Variants in ROBO2 observed in about 807,000 individuals in gnomAD.
The protein encoded by ROBO2 is roundabout homolog 2.
A neutral mutation model predicts 160.8 loss-of-function variants in ROBO2; 53 were observed. The observed-to-expected ratio is 0.33, with a 90% CI of 0.26 to 0.41. ROBO2 has a LOEUF of 0.41. Ranked by LOEUF, ROBO2 falls within the 10% of genes least tolerant of loss-of-function variation. The pLI is 1.00. For synonymous variants in ROBO2, 664 were observed against 611.7 expected (o/e 1.09, Z -1.26); for missense variants, 1,577 against 1,722.4 (o/e 0.92, Z 1.49).
intron 2 of ROBO2, among the ~76,000 whole-genome samples, chr3:76,237,305 G>C (rs145981710): frequency 6.6e-6 from 1 of 152,070 alleles, no homozygotes; most frequent in African/African-American, 2.4e-5. Flanking sequence ...CTATCAATAG[G>C]CCAAGCTATA....
At chr3:77,009,085 T>A (rs1272224523) in intron 2 of ROBO2, among the ~76,000 whole-genome samples, 1 of 152,196 alleles carries the variant, frequency 6.6e-6, no homozygotes, top group African/African-American at 2.4e-5. Context: ...TAAAAATAAA[T>A]TAATACTTAC....
chr3:77,094,036 C>T (rs2070710412), intron 1 of ROBO2, among the ~76,000 whole-genome samples: 1 of 152,062 alleles, frequency 6.6e-6, no homozygotes, highest in Non-Finnish European at 1.5e-5. Flanking sequence ...ATATAATAAT[C>T]TTTATTACAT....
intron 2 of ROBO2, among the ~76,000 whole-genome samples, chr3:76,599,709 C>G (rs2108925099): frequency 6.6e-6 from 1 of 152,258 alleles, no homozygotes; most frequent in South Asian, 2.1e-4. Flanking sequence ...TCTCCAGCAC[C>G]TGTTAGTTTT....
At chr3:77,208,233 C>T (rs958008921) in intron 2 of ROBO2, among the ~76,000 whole-genome samples, 4 of 152,046 alleles carry the variant, frequency 2.6e-5, no homozygotes, top group Non-Finnish European at 5.9e-5. Context: ...CTCAAAGCTC[C>T]CTAAGAATTT....
At chr3:76,817,672 A>G (rs1236881691) in intron 2 of ROBO2, among the ~76,000 whole-genome samples, 2 of 151,844 alleles carry the variant, frequency 1.3e-5, no homozygotes, top group African/African-American at 4.8e-5. Context: ...TGAGTCCCCA[A>G]AGTCCATTGT....
intron 2 of ROBO2, among the ~76,000 whole-genome samples, chr3:77,228,083 A>C (rs1245665430): frequency 1.3e-5 from 2 of 152,170 alleles, no homozygotes; most frequent in Non-Finnish European, 1.5e-5. Flanking sequence ...GCATACACTA[A>C]GATGCTTCTT....
intron 2 of ROBO2, among the ~76,000 whole-genome samples, chr3:76,406,324 A>G (rs529810650): frequency 4.6e-5 from 7 of 152,008 alleles, no homozygotes; most frequent in African/African-American, 1.2e-4. Flanking sequence ...TGTCACAGGA[A>G]TGCTCTCTAT....
At chr3:76,074,318 T>C (rs2068573047) in intron 2 of ROBO2, among the ~76,000 whole-genome samples, 1 of 152,212 alleles carries the variant, frequency 6.6e-6, no homozygotes, top group Non-Finnish European at 1.5e-5. Flanking sequence ...ACATTTCAAC[T>C]CTGCTTCAAT....
chr3:76,011,909 C>T (rs2066205728), intron 2 of ROBO2, among the ~76,000 whole-genome samples: 2 of 152,158 alleles, frequency 1.3e-5, no homozygotes, highest in African/African-American at 4.8e-5. Flanking sequence ...TTCCAGTCAT[C>T]CCCCTTTCAG....
intron 2 of ROBO2, among the ~76,000 whole-genome samples, chr3:76,846,996 C>G (rs902653358): frequency 5.3e-5 from 8 of 152,132 alleles, no homozygotes; most frequent in African/African-American, 1.9e-4. Context: ...AATAATAATT[C>G]TCTTTTACAG....
At chr3:76,538,374 A>C (rs536667751) in intron 2 of ROBO2, among the ~76,000 whole-genome samples, 1 of 152,278 alleles carries the variant, frequency 6.6e-6, no homozygotes, top group East Asian at 1.9e-4. Context: ...GTTGTCTTTA[A>C]AATTTTTGAT....
At chr3:76,221,707 G>C (rs1703979168) in intron 2 of ROBO2, among the ~76,000 whole-genome samples, 1 of 152,116 alleles carries the variant, frequency 6.6e-6, no homozygotes, top group Non-Finnish European at 1.5e-5. Context: ...TGGATGATGG[G>C]GAACATGGTA....
At chr3:77,598,013 T>C (rs1049382639) in intron 19 of ROBO2, among the ~76,000 whole-genome samples, 12 of 152,142 alleles carry the variant, frequency 7.9e-5, no homozygotes, top group Non-Finnish European at 4.4e-5. Flanking sequence ...GGATGAAGAA[T>C]GGAGTAACGG....
At chr3:75,975,709 C>T (rs1559797687) in intron 2 of ROBO2, among the ~76,000 whole-genome samples, 1 of 151,518 alleles carries the variant, frequency 6.6e-6, no homozygotes, top group Non-Finnish European at 1.5e-5. Context: ...ACAGGAGATG[C>T]TAACATAACC....
At chr3:77,383,618 A>AT (rs1270115411) in intron 2 of ROBO2, among the ~76,000 whole-genome samples, 2 of 152,074 alleles carry the variant, frequency 1.3e-5, no homozygotes, top group Non-Finnish European at 2.9e-5. Flanking sequence ...AAATTTAACT[A>AT]TTTTTTGGTT....
At position 77,546,545 on chromosome 3, in the gene ROBO2, T is replaced by C. The variant is rs1196473024; in HGVS notation, c.1059+83T>C. 4 of 1,512,278 alleles carry C rather than the reference T, an allele frequency of 2.6e-6. No homozygotes were observed. The African/African-American group carries it at 4.1e-5, about 16-fold the overall frequency. 93.7% of individuals were successfully genotyped at this position (1,512,278 alleles called of 1,614,324 possible). A position where few individuals can be genotyped will look rare whatever the true frequency, so the allele number is the denominator to read the frequency against. ...CTCCTGAAAGCTTGCCTTGCTTCTCTTGTTCTCAATGTTTGAATTTATTTT... is the reference window on the plus strand; with the variant it reads ...CTCCTGAAAGCTTGCCTTGCTTCTCCTGTTCTCAATGTTTGAATTTATTTT... On this transcript the variant is annotated intron_variant, in intron 7 of 25. Transcript: ENST00000461745.
intron 2 of ROBO2, among the ~76,000 whole-genome samples, chr3:77,292,326 C>G (rs1347001606): frequency 6.6e-6 from 1 of 150,460 alleles, no homozygotes; most frequent in Non-Finnish European, 1.5e-5. Context: ...GAAGTTGAGG[C>G]TGGAACAGTA....
intron 2 of ROBO2, among the ~76,000 whole-genome samples, chr3:76,306,900 GT>G: frequency 6.6e-6 from 1 of 152,168 alleles, no homozygotes; most frequent in East Asian, 1.9e-4. Context: ...TATTTAAGCG[GT>G]TTTTCCTGCT....
intron 2 of ROBO2, among the ~76,000 whole-genome samples, chr3:76,330,764 C>T (rs2108021163): frequency 6.6e-6 from 1 of 152,078 alleles, no homozygotes; most frequent in South Asian, 2.1e-4. Context: ...ATGTCTTTTG[C>T]TTTGTCAGTG....
Sources: allele counts gnomAD v4.1 joint callset (sites outside exome capture counted in the v4.1 genomes callset), GRCh38; gene constraint gnomAD v4.1.1; transcripts MANE v1.5; gene names NCBI Gene and HGNC (gene_info 2026-07-23, HGNC 2026-07-21).